Variants in CPPED1 observed in about 807,000 individuals in gnomAD.
The protein encoded by CPPED1 is serine/threonine-protein phosphatase CPPED1.
In CPPED1, 28 loss-of-function variants were observed where a neutral mutation model predicts 28.0. The observed-to-expected ratio is 1.00, with a 90% CI of 0.74 to 1.37. CPPED1 has a LOEUF of 1.37. Among genes scored for constraint, CPPED1 ranks in the 40% most tolerant of loss-of-function variants. The probability of loss-of-function intolerance (pLI) is 0.00; values close to 1 mark genes in which losing one functional copy is unlikely to be tolerated. For missense variants in CPPED1, 504 were observed against 416.5 expected (o/e 1.21, Z -1.83); for synonymous variants, 198 against 180.2 (o/e 1.10, Z -0.79).
At position 12,660,497 on chromosome 16, in the gene CPPED1, ATGTGTGTGTGTGTGTGTGTG is replaced by A. The variant is rs61163755; in HGVS notation, c.*4369_*4388del. The A allele has an allele frequency of 2.1e-5, 3 of 145,426 alleles. No homozygotes were observed. The highest frequency in any genetic ancestry group is 7.5e-5 in the African/African-American group (3 of 39,800). 9.0% of individuals were successfully genotyped at this position (145,426 alleles called of 1,614,324 possible). The stretch of plus-strand genomic sequence containing the variant: ...GAAAAGAATCCTCCACTTTTACTAT[ATGTGTGTGTGTGTGTGTGTG>A]TGTGTGTGTGTGTGTGTACTCATTA... On this transcript the variant is annotated 3_prime_UTR_variant, in exon 4 of 4. Transcript: ENST00000381774.
At chr16:12,792,792 C>T (rs1332840488) in intron 1 of CPPED1, among the ~76,000 whole-genome samples, 1 of 152,174 alleles carries the variant, frequency 6.6e-6, no homozygotes, top group East Asian at 1.9e-4. Context: ...GTAAGACATG[C>T]CTTTGCTCTT....
intron 2 of CPPED1, among the ~76,000 whole-genome samples, chr16:12,773,295 A>T (rs751117685): frequency 1.3e-5 from 2 of 152,222 alleles, no homozygotes; most frequent in Non-Finnish European, 2.9e-5. Flanking sequence ...CTACAAACTT[A>T]AAGCATTTCC....
chr16:12,688,028 C>A (rs1245314302), intron 3 of CPPED1, among the ~76,000 whole-genome samples: 1 of 151,756 alleles, frequency 6.6e-6, no homozygotes, highest in Non-Finnish European at 1.5e-5. Flanking sequence ...ACGCAACTCA[C>A]ACTATTTTTT....
chr16:12,695,350 G>C (rs140160078), intron 3 of CPPED1, among the ~76,000 whole-genome samples: 124 of 152,098 alleles, frequency 8.2e-4, no homozygotes, highest in African/African-American at 2.7e-3. Flanking sequence ...CTGCAGACTT[G>C]GCTTCCGGGG....
chr16:12,700,450 G>C (rs370264931), intron 3 of CPPED1, among the ~76,000 whole-genome samples: 4 of 152,332 alleles, frequency 2.6e-5, no homozygotes, highest in Non-Finnish European at 4.4e-5. Context: ...GAGTGCAGTG[G>C]CATGATCTCG....
intron 3 of CPPED1, among the ~76,000 whole-genome samples, chr16:12,669,805 T>C (rs536578558): frequency 3.9e-4 from 59 of 152,284 alleles, no homozygotes; most frequent in Middle Eastern, 6.8e-3. Context: ...TACCATAGCA[T>C]TGAGCAAGAA....
chr16:12,720,343 C>T (rs1296976983), intron 2 of CPPED1: 5 of 154,316 alleles, frequency 3.2e-5, no homozygotes, highest in African/African-American at 1.2e-4. Flanking sequence ...AACCAAGCAC[C>T]TGTTTGTGAC....
At chr16:12,703,128 C>A (rs142017385) in intron 3 of CPPED1, among the ~76,000 whole-genome samples, 1 of 152,198 alleles carries the variant, frequency 6.6e-6, no homozygotes, top group Non-Finnish European at 1.5e-5. Context: ...GGTGCTCATG[C>A]CGCCTTGACG....
At chr16:12,772,485 C>T (rs1314620942) in intron 2 of CPPED1, among the ~76,000 whole-genome samples, 3 of 152,182 alleles carry the variant, frequency 2.0e-5, no homozygotes, top group Non-Finnish European at 4.4e-5. Flanking sequence ...GTGGATTATT[C>T]TGCTTTATCT....
intron 2 of CPPED1, among the ~76,000 whole-genome samples, chr16:12,761,881 C>T (rs989153612): frequency 7.2e-5 from 11 of 151,982 alleles, no homozygotes; most frequent in African/African-American, 2.4e-4. Flanking sequence ...CATGGTGGCA[C>T]GTGCCTGTAA....
At position 12,661,736 on chromosome 16, in the gene CPPED1, C is replaced by T; in HGVS notation, c.*3150G>A. The T allele has an allele frequency of 6.6e-6, 1 of 152,432 alleles. No homozygotes were observed. Among genetic ancestry groups the T allele is most frequent in the East Asian group, 1.9e-4 (1 of 5,184 alleles). 9.4% of individuals were successfully genotyped at this position (152,432 alleles called of 1,614,324 possible). A position where few individuals can be genotyped will look rare whatever the true frequency, so the allele number is the denominator to read the frequency against. On this transcript the variant is annotated 3_prime_UTR_variant, in exon 4 of 4. Transcript: ENST00000381774. ...TTACTGCTGCAGACAGGGCTGTGTC[C>T]CGTGACTCATTATGGTTCAGTTCGG... is the stretch of plus-strand genomic sequence containing the variant.
chr16:12,799,831 G>A (rs2080648468), intron 1 of CPPED1, among the ~76,000 whole-genome samples: 1 of 152,234 alleles, frequency 6.6e-6, no homozygotes. Flanking sequence ...CATCCTGGGT[G>A]TGTCTATGGG....
At position 12,660,092 on chromosome 16, in the gene CPPED1, C is replaced by G. The variant is rs896211843; in HGVS notation, c.*4794G>C. ...TCGAGATGAGATTTCAGTGGGGACA[C>G]AGAGCCAAACCAATTTGGGTGGAGA... is the stretch of plus-strand genomic sequence containing the variant. On this transcript the variant is annotated 3_prime_UTR_variant, in exon 4 of 4. Transcript: ENST00000381774. 2 of 152,158 alleles carry G rather than the reference C, an allele frequency of 1.3e-5. No individual in the cohort carries two copies. The highest frequency in any genetic ancestry group is 2.4e-5 in the African/African-American group (1 of 41,430). 9.4% of individuals were successfully genotyped at this position (152,158 alleles called of 1,614,324 possible). A position where few individuals can be genotyped will look rare whatever the true frequency, so the allele number is the denominator to read the frequency against.
intron 3 of CPPED1, among the ~76,000 whole-genome samples, chr16:12,695,753 C>T (rs771162130): frequency 3.9e-5 from 6 of 152,160 alleles, no homozygotes; most frequent in Non-Finnish European, 8.8e-5. Context: ...GTTTTTGTAC[C>T]TCACTTTCCA....
At chr16:12,787,612 G>A (rs1184647662) in intron 1 of CPPED1, among the ~76,000 whole-genome samples, 1 of 151,496 alleles carries the variant, frequency 6.6e-6, no homozygotes, top group Non-Finnish European at 1.5e-5. Context: ...TCACTATGTT[G>A]GCCAGGCTGG....
At chr16:12,731,346 G>A (rs1338265915) in intron 2 of CPPED1, among the ~76,000 whole-genome samples, 1 of 150,730 alleles carries the variant, frequency 6.6e-6, no homozygotes, top group East Asian at 1.9e-4. Flanking sequence ...GTAGAGACGG[G>A]GTTTCACTGC....
intron 3 of CPPED1, among the ~76,000 whole-genome samples, chr16:12,677,040 T>C (rs1306275495): frequency 6.6e-6 from 1 of 152,100 alleles, no homozygotes; most frequent in Non-Finnish European, 1.5e-5. Flanking sequence ...GAGGGGAATA[T>C]CACGAGCGAG....
intron 2 of CPPED1, among the ~76,000 whole-genome samples, chr16:12,742,678 G>T (rs1049321288): frequency 6.6e-6 from 1 of 152,084 alleles, no homozygotes; most frequent in Non-Finnish European, 1.5e-5. Context: ...AATGTTCAAG[G>T]GTAGTTCAGA....
At chr16:12,720,463 G>A (rs2080133513) in intron 2 of CPPED1, 1 of 153,430 alleles carries the variant, frequency 6.5e-6, no homozygotes, top group Admixed American at 6.5e-5. Flanking sequence ...CTTTACCTTT[G>A]ATATTAACAA....
Sources: gnomAD v4.1 joint callset for allele counts (sites outside exome capture counted in the v4.1 genomes callset) on GRCh38, gnomAD v4.1.1 for gene constraint, MANE v1.5 for transcripts, NCBI Gene and HGNC (gene_info 2026-07-23, HGNC 2026-07-21) for gene names.